KIFC3: variants seen among roughly 807,000 people sequenced by gnomAD.
KIFC3 encodes kinesin-like protein KIFC3.
In KIFC3, 60 loss-of-function variants were observed where a neutral mutation model predicts 101.8. The observed-to-expected ratio is 0.59, with a 90% CI of 0.48 to 0.73. The LOEUF is 0.73. Among genes scored for constraint, KIFC3 ranks in the 30% least tolerant of loss-of-function variants. KIFC3 has a pLI of 0.00. For synonymous variants in KIFC3, 476 were observed against 482.7 expected (o/e 0.99, Z 0.18); for missense variants, 966 against 1,137.1 (o/e 0.85, Z 2.16).
rs1555598684 is a variant in KIFC3 at position 57,762,220 on chromosome 16, G to A, written c.1668C>T (p.Phe556=). The A allele has an allele frequency of 1.9e-6, 3 of 1,607,534 alleles. No individual in the cohort carries two copies. The highest frequency in any genetic ancestry group is 1.1e-5 in the South Asian group (1 of 90,442). The part of the protein sequence containing the change: ...GINQRALQLL[F]SEVQEKASDW... ...CAGACGCCTTCTCCTGCACCTCGGA[G>A]AAGAGCAGCTGCAGGGCCCGCTGGT... Residue 556 remains phenylalanine (F), a synonymous_variant, in exon 13 of 20, where the codon TTC becomes TTT. Coordinates refer to ENST00000445690, the MANE Select transcript of KIFC3 (RefSeq NM_001130100.2).
chr16:57,759,846 G>A lies in KIFC3; in HGVS notation c.2368-10C>T, dbSNP rs77631539. On this transcript the variant is annotated splice_polypyrimidine_tract_variant and intron_variant, in intron 17 of 19. Coordinates refer to ENST00000445690, the MANE Select transcript of KIFC3 (RefSeq NM_001130100.2). The stretch of plus-strand genomic sequence containing the variant: ...GACAAGCCGGCTCCCACTGTGAGCA[G>A]GGAAGGGCGGATGGGCGGGGGCCAC... 2.5e-3 allele frequency: 3,924 copies of A among 1,600,400 alleles called. 78 individuals are homozygous for A. The African/African-American group carries it at 0.044, about 18-fold the overall frequency.
chr16:57,783,472 C>CTTTTTTTTTT (rs146386887), intron 3 of KIFC3, among the ~76,000 whole-genome samples: 13 of 82,614 alleles, frequency 1.6e-4, no homozygotes, highest in Admixed American at 2.3e-4. Context: ...ATTTTCTTTT[C>CTTTTTTTTTT]TTTTTTTTTT....
At chr16:57,816,254 A>G in intron 1 of KIFC3, 1 of 1,289,250 alleles carries the variant, frequency 7.8e-7, no homozygotes, top group South Asian at 1.2e-5. Flanking sequence ...TGTCAACCCA[A>G]ATCACGACAC....
At chr16:57,819,512 CT>C (rs1303923050) in intron 1 of KIFC3, among the ~76,000 whole-genome samples, 3 of 152,088 alleles carry the variant, frequency 2.0e-5, no homozygotes, top group Admixed American at 2.0e-4. Flanking sequence ...AGACTGTCAC[CT>C]TCAAACTTTA....
Position 57,802,314 on chromosome 16 carries a change from G to A in KIFC3, c.-40+56C>T, listed in dbSNP as rs1178551524. ...CCGGACGCGGCGCCCCAAACGGCGG[G>A]CCGGGCAGAGCCCAGCGCCCCGCTC... On this transcript the variant is annotated intron_variant, in intron 1 of 19. Transcript: ENST00000445690. This position sits in a 1 kb window ranked among gnomAD's most constrained non-coding sequence, Gnocchi z 5.0. The A allele has an allele frequency of 2.2e-6, 2 of 895,030 alleles. No individual in the cohort carries two copies. The highest frequency in any genetic ancestry group is 6.2e-5 in the Admixed American group (1 of 16,068). The allele number at this position is 895,030 out of a possible 1,614,324, so 55.4% of individuals were successfully genotyped here. A position where few individuals can be genotyped will look rare whatever the true frequency, so the allele number is the denominator to read the frequency against.
chr16:57,857,740 G>A (rs1173996804), intron 1 of KIFC3, among the ~76,000 whole-genome samples: 14 of 147,972 alleles, frequency 9.5e-5, no homozygotes, highest in Non-Finnish European at 1.6e-4. Flanking sequence ...CCTTTTTTAT[G>A]GCTACATAGT....
chr16:57,795,842 C>T (rs1379338919), intron 2 of KIFC3, among the ~76,000 whole-genome samples: 1 of 148,728 alleles, frequency 6.7e-6, no homozygotes, highest in Non-Finnish European at 1.5e-5. Context: ...GGGCCAAGTG[C>T]TTTTCAGGCC....
At chr16:57,859,090 C>T (rs247055) in intron 1 of KIFC3, among the ~76,000 whole-genome samples, 138,859 of 152,298 alleles carry the variant, frequency 0.91, 63,300 homozygotes, top group Middle Eastern at 0.97. Context: ...CAAACAGACA[C>T]TTTTACTTTA....
intron 3 of KIFC3, among the ~76,000 whole-genome samples, chr16:57,789,877 C>G (rs1178927655): frequency 6.6e-6 from 1 of 151,886 alleles, no homozygotes; most frequent in African/African-American, 2.4e-5. Context: ...GGTGGGGTTA[C>G]AGATGTGCGC....
chr16:57,774,497 T>G (rs1555610695), intron 3 of KIFC3, among the ~76,000 whole-genome samples: 3 of 151,990 alleles, frequency 2.0e-5, no homozygotes, highest in Non-Finnish European at 4.4e-5. Flanking sequence ...GAATTATAGT[T>G]GACAAAATCT....
At chr16:57,763,907 C>A (rs1379577688) in intron 12 of KIFC3, among the ~76,000 whole-genome samples, 1 of 152,128 alleles carries the variant, frequency 6.6e-6, no homozygotes, top group Admixed American at 6.5e-5. Flanking sequence ...TGATGATAGT[C>A]CCCCCTTGCC....
At position 57,769,598 on chromosome 16, in the gene KIFC3, G is replaced by A. The variant is rs368521926; in HGVS notation, c.1215C>T (p.Ala405=). The change falls in exon 9 of 20, where the codon GCC becomes GCT. Residue 405 remains alanine (A), a synonymous_variant. Coordinates refer to ENST00000445690, the MANE Select transcript of KIFC3 (RefSeq NM_001130100.2). This position sits in a 1 kb window ranked among gnomAD's most constrained non-coding sequence, Gnocchi z 4.3. ...CCCACCCACTGCCCTCGCTCACCTCGGCCTTGACACTCCTGAGGGCCTCCT... is the reference window on the plus strand; with the variant it reads ...CCCACCCACTGCCCTCGCTCACCTCAGCCTTGACACTCCTGAGGGCCTCCT... ...LLQEALRSVK[A]EIGQAIEEVN... is the part of the protein sequence containing the mutation. 8.1e-6 allele frequency: 13 copies of A among 1,609,670 alleles called. No individual in the cohort carries two copies. Among genetic ancestry groups the A allele is most frequent in the African/African-American group, 4.0e-5 (3 of 74,806 alleles).
At chr16:57,815,290 G>A in intron 1 of KIFC3, 1 of 375,690 alleles carries the variant, frequency 2.7e-6, no homozygotes, top group Admixed American at 5.3e-5. Context: ...GGTCCTGGGA[G>A]GCTGACTGGA....
intron 1 of KIFC3, among the ~76,000 whole-genome samples, chr16:57,825,292 A>G (rs575543805): frequency 1.3e-5 from 2 of 152,306 alleles, no homozygotes; most frequent in African/African-American, 4.8e-5. Context: ...TCCCTCCCCA[A>G]CAAATGCCAA....
chr16:57,815,715 T>A, intron 1 of KIFC3: 1 of 1,208,178 alleles, frequency 8.3e-7, no homozygotes, highest in Non-Finnish European at 1.1e-6. Context: ...AATATCTGTC[T>A]ACTCCCTCAA....
Position 57,793,605 on chromosome 16 carries a change from C to A in KIFC3, c.315+1394G>T, listed in dbSNP as rs201375222. On this transcript the variant is annotated intron_variant, in intron 3 of 19. Coordinates refer to ENST00000445690, the MANE Select transcript of KIFC3 (RefSeq NM_001130100.2). Reference sequence around the variant, plus strand: ...GAGACTCTGTCTCAAAAAAAAAAAACAAAAAAAGAGTTCAAGACCAGCCTG... The same window carrying A: ...GAGACTCTGTCTCAAAAAAAAAAAAAAAAAAAAGAGTTCAAGACCAGCCTG... Among the ~76,000 whole-genome samples the A allele has an allele frequency of 6.7e-3, 917 of 135,888 alleles. 11 individuals are homozygous for A. Among genetic ancestry groups the A allele is most frequent in the South Asian group, 0.038 (162 of 4,234 alleles). The allele number at this position is 135,888 out of a possible 152,430, so 89.1% of individuals were successfully genotyped here. A position where few individuals can be genotyped will look rare whatever the true frequency, so the allele number is the denominator to read the frequency against.
At chr16:57,787,157 G>A (rs1332492743) in intron 3 of KIFC3, among the ~76,000 whole-genome samples, 3 of 152,266 alleles carry the variant, frequency 2.0e-5, no homozygotes, top group Non-Finnish European at 4.4e-5. Context: ...GACCAGCGTG[G>A]CCCTCAGCCC....
intron 3 of KIFC3, among the ~76,000 whole-genome samples, chr16:57,787,955 C>T (rs1389501347): frequency 6.6e-6 from 1 of 152,232 alleles, no homozygotes; most frequent in African/African-American, 2.4e-5. Context: ...TTCCGGGCTC[C>T]TAGAGGATGC....
chr16:57,857,384 CT>C (rs1262835351), intron 1 of KIFC3, among the ~76,000 whole-genome samples: 1 of 124,582 alleles, frequency 8.0e-6, no homozygotes, highest in Non-Finnish European at 1.7e-5. Context: ...CCAGAACCCC[CT>C]AAAACCTTTC....
Sources: allele counts gnomAD v4.1 joint callset (sites outside exome capture counted in the v4.1 genomes callset), GRCh38; gene constraint gnomAD v4.1.1; non-coding constraint Gnocchi (gnomAD v3.1); transcripts MANE v1.5; gene names NCBI Gene and HGNC (gene_info 2026-07-23, HGNC 2026-07-21).